Variants in MYRIP observed in about 807,000 individuals in gnomAD.
MYRIP encodes the protein myosin VIIA and Rab interacting protein, also known as rab effector MyRIP.
MYRIP carries 49 observed loss-of-function variants against 98.0 expected under a neutral mutation model. The ratio of observed to expected loss-of-function variants is 0.50; its 90% CI spans 0.40 to 0.63. The LOEUF (loss-of-function observed/expected upper bound fraction) is 0.63. Ranked by LOEUF, MYRIP falls within the 30% of genes least tolerant of loss-of-function variation. The pLI is 0.00. For missense variants in MYRIP, 1,004 were observed against 1,058.2 expected (o/e 0.95, Z 0.71); for synonymous variants, 404 against 409.5 (o/e 0.99, Z 0.16).
intron 3 of MYRIP, among the ~76,000 whole-genome samples, chr3:40,082,952 C>T (rs1053767165): frequency 6.6e-6 from 1 of 152,152 alleles, no homozygotes; most frequent in Non-Finnish European, 1.5e-5. Flanking sequence ...AATATTGGAT[C>T]ATTCGAGTGG....
intron 10 of MYRIP, among the ~76,000 whole-genome samples, chr3:40,192,539 A>G (rs1951265113): frequency 2.0e-5 from 3 of 151,750 alleles, no homozygotes; most frequent in African/African-American, 7.3e-5. Flanking sequence ...ATTCATACAT[A>G]AAGTACATTT....
chr3:39,831,683 A>G (rs966336382), intron 1 of MYRIP, among the ~76,000 whole-genome samples: 2 of 152,214 alleles, frequency 1.3e-5, no homozygotes, highest in Non-Finnish European at 2.9e-5. Context: ...AAAATAAATC[A>G]GTATACCTAT....
At chr3:39,918,258 A>G (rs1944216432) in intron 2 of MYRIP, among the ~76,000 whole-genome samples, 1 of 152,222 alleles carries the variant, frequency 6.6e-6, no homozygotes, top group African/African-American at 2.4e-5. Flanking sequence ...GGAGGCCAGC[A>G]TCAAATTTGT....
intron 1 of MYRIP, among the ~76,000 whole-genome samples, chr3:39,891,162 C>G (rs1282547260): frequency 6.6e-6 from 1 of 152,026 alleles, no homozygotes; most frequent in Non-Finnish European, 1.5e-5. Context: ...TTCACCCTGC[C>G]AAGTTCAAAC....
At chr3:40,233,690 C>A (rs1324990971) in intron 11 of MYRIP, among the ~76,000 whole-genome samples, 169 bp from the exon 12 acceptor site, 1 of 152,176 alleles carries the variant, frequency 6.6e-6, no homozygotes, top group Non-Finnish European at 1.5e-5. Flanking sequence ...CCTCAGTTCT[C>A]TTCTGCTGTG....
chr3:40,078,112 C>T (rs1218194626), intron 3 of MYRIP, among the ~76,000 whole-genome samples: 1 of 152,254 alleles, frequency 6.6e-6, no homozygotes, highest in Non-Finnish European at 1.5e-5. Flanking sequence ...TCTAGCGCAG[C>T]GCCGGTGGGC....
chr3:40,095,700 G>T (rs539045813), intron 3 of MYRIP, among the ~76,000 whole-genome samples: 40 of 152,044 alleles, frequency 2.6e-4, no homozygotes, highest in South Asian at 1.0e-3. Flanking sequence ...ACACACATCT[G>T]CACACTCACT....
chr3:40,116,560 C>T (rs1949284864), intron 3 of MYRIP, among the ~76,000 whole-genome samples: 1 of 152,198 alleles, frequency 6.6e-6, no homozygotes, highest in African/African-American at 2.4e-5. Flanking sequence ...GCAGTCTTCA[C>T]CTCAGCACAG....
chr3:40,064,431 A>G (rs1948086419), intron 3 of MYRIP, among the ~76,000 whole-genome samples: 1 of 152,184 alleles, frequency 6.6e-6, no homozygotes, highest in Non-Finnish European at 1.5e-5. Flanking sequence ...GAGAAAATGG[A>G]TGATTAAAAT....
At chr3:40,201,117 G>T (rs956677543) in intron 10 of MYRIP, among the ~76,000 whole-genome samples, 1 of 152,152 alleles carries the variant, frequency 6.6e-6, no homozygotes, top group Non-Finnish European at 1.5e-5. Context: ...TCATCGCCAA[G>T]GTCTGATTGC....
chr3:39,840,761 C>A (rs1015739329), intron 1 of MYRIP, among the ~76,000 whole-genome samples: 6 of 152,154 alleles, frequency 3.9e-5, no homozygotes, highest in Non-Finnish European at 8.8e-5. Flanking sequence ...GTTGAAAATT[C>A]TTTTCTTTAA....
chr3:39,898,106 T>C (rs905763873), intron 1 of MYRIP, among the ~76,000 whole-genome samples: 3 of 152,192 alleles, frequency 2.0e-5, no homozygotes, highest in East Asian at 1.9e-4. Flanking sequence ...CATGAGCTTC[T>C]TCCCTTGCCT....
At chr3:39,853,967 A>C (rs186352370) in intron 1 of MYRIP, among the ~76,000 whole-genome samples, 1 of 152,126 alleles carries the variant, frequency 6.6e-6, no homozygotes, top group Non-Finnish European at 1.5e-5. Flanking sequence ...ACTCTTCTCC[A>C]TGTGGCTTGC....
At chr3:39,859,618 TAAC>T (rs1679340598) in intron 1 of MYRIP, among the ~76,000 whole-genome samples, 1 of 152,142 alleles carries the variant, frequency 6.6e-6, no homozygotes, top group Non-Finnish European at 1.5e-5. Context: ...TAAAAATTCT[TAAC>T]AAAATATTAG....
At chr3:40,234,784 C>T (rs186832498) in intron 12 of MYRIP, among the ~76,000 whole-genome samples, 4 of 152,140 alleles carry the variant, frequency 2.6e-5, no homozygotes, top group Non-Finnish European at 4.4e-5. Flanking sequence ...CACTTGAGGT[C>T]GGGAGTTTGA....
intron 2 of MYRIP, among the ~76,000 whole-genome samples, chr3:40,023,944 T>G (rs1351619144): frequency 6.6e-6 from 1 of 152,214 alleles, no homozygotes; most frequent in Admixed American, 6.5e-5. Context: ...ATTTTGTGAC[T>G]TTTTTGATGA....
At chr3:39,962,413 A>G (rs1945344474) in intron 2 of MYRIP, among the ~76,000 whole-genome samples, 1 of 151,554 alleles carries the variant, frequency 6.6e-6, no homozygotes, top group Non-Finnish European at 1.5e-5. Context: ...GAGATGGATA[A>G]GGACCCCAAA....
In MYRIP at chr3:40,158,621, T is replaced by G. The variant is rs1237285923; in HGVS notation, c.470-4109T>G. Among the ~76,000 whole-genome samples, 204 of 150,032 alleles carry G rather than the reference T, an allele frequency of 1.4e-3. 2 individuals carry two copies. The highest frequency in any genetic ancestry group is 3.7e-3 in the Admixed American group (55 of 14,994). On this transcript the variant is annotated intron_variant, in intron 4 of 16. Transcript: ENST00000302541. The stretch of plus-strand genomic sequence containing the variant: ...TGTTAAAGTCTCCCATTATTATTGT[T>G]TGGGAGTCTAAGTCTCTTTGTAGGT...
chr3:40,253,695 T>A (rs1953471677), intron 16 of MYRIP, among the ~76,000 whole-genome samples: 1 of 152,180 alleles, frequency 6.6e-6, no homozygotes, highest in Non-Finnish European at 1.5e-5. Flanking sequence ...GAATCAGTAT[T>A]GACAATAGAG....
Sources: gnomAD v4.1 joint callset for allele counts (sites outside exome capture counted in the v4.1 genomes callset) on GRCh38, gnomAD v4.1.1 for gene constraint, MANE v1.5 for transcripts, NCBI Gene and HGNC (gene_info 2026-07-23, HGNC 2026-07-21) for gene names.